Variants in GPBP1 observed in about 807,000 individuals in gnomAD.
GPBP1 encodes GC-rich promoter binding protein 1.
A neutral mutation model predicts 56.5 loss-of-function variants in GPBP1; 13 were observed. The observed-to-expected ratio is 0.23, with a 90% CI of 0.15 to 0.37. The LOEUF (loss-of-function observed/expected upper bound fraction) is 0.37, where lower values mean the gene tolerates loss of function less well. GPBP1 is among the 10% of genes least tolerant of loss of function. The probability of loss-of-function intolerance (pLI) is 1.00; values close to 1 mark genes in which losing one functional copy is unlikely to be tolerated. For synonymous variants in GPBP1, 204 were observed against 188.9 expected (o/e 1.08, Z -0.66); for missense variants, 477 against 572.3 (o/e 0.83, Z 1.70).
At position 57,264,143 on chromosome 5, in the gene GPBP1, T is replaced by C. The variant is rs1364505668; in HGVS notation, c.*1391T>C. ...TTGTTGTTGTTCCCACTGAGACTGA[T>C]GGTGATGGGGAAATTAAAAACAACA... is the stretch of plus-strand genomic sequence containing the variant. On this transcript the variant is annotated 3_prime_UTR_variant, in exon 12 of 12. Transcript: ENST00000506184. The C allele has an allele frequency of 1.3e-5, 2 of 152,016 alleles. No individual in the cohort carries two copies. The highest frequency in any genetic ancestry group is 2.9e-5 in the Non-Finnish European group (2 of 67,958). The allele number at this position is 152,016 out of a possible 1,614,324, so 9.4% of individuals were successfully genotyped here. A position where few individuals can be genotyped will look rare whatever the true frequency, so the allele number is the denominator to read the frequency against.
chr5:57,262,806 T>G lies in GPBP1; in HGVS notation c.*54T>G. ...AGTGTGATACATCTCTCATACAGTT[T>G]GGGGTGAATTGTAAAAATGAAGAAC... On this transcript the variant is annotated 3_prime_UTR_variant, in exon 12 of 12. Transcript: ENST00000506184. 1 of 1,461,168 alleles carries G rather than the reference T, an allele frequency of 6.8e-7. No homozygotes were observed. The highest frequency in any genetic ancestry group is 1.2e-5 in the South Asian group (1 of 80,450). 90.5% of individuals were successfully genotyped at this position (1,461,168 alleles called of 1,614,324 possible).
chr5:57,224,514 A>T (rs750463980), intron 3 of GPBP1, among the ~76,000 whole-genome samples: 19 of 152,096 alleles, frequency 1.2e-4, no homozygotes, highest in Non-Finnish European at 2.5e-4. Context: ...AAGTGCTGGG[A>T]TTACAGATGT....
Position 57,239,930 on chromosome 5 carries a change from G to A in GPBP1, c.478+3898G>A, listed in dbSNP as rs148984995. On this transcript the variant is annotated intron_variant, in intron 6 of 11. Coordinates refer to ENST00000506184, the MANE Select transcript of GPBP1 (RefSeq NM_022913.4). ...GAGTCTTTGCATTTGGTCTGTGTATGTACTATTGTCTTAGTGATAAGTTTT... is the reference window on the plus strand; with the variant it reads ...GAGTCTTTGCATTTGGTCTGTGTATATACTATTGTCTTAGTGATAAGTTTT... Among the ~76,000 whole-genome samples the A allele has an allele frequency of 3.2e-3, 484 of 152,130 alleles. 4 individuals are homozygous for A. The highest frequency in any genetic ancestry group is 0.011 in the African/African-American group (460 of 41,510).
chr5:57,211,775 G>C (rs939063323), intron 2 of GPBP1, among the ~76,000 whole-genome samples: 1 of 151,758 alleles, frequency 6.6e-6, no homozygotes, highest in South Asian at 2.1e-4. Context: ...TAGAGACGAG[G>C]TTTCTCCTTG....
chr5:57,254,938 T>TA lies in GPBP1; in HGVS notation c.1160+3799dup, dbSNP rs575506784. Among the ~76,000 whole-genome samples, 3 of 152,362 alleles carry TA rather than the reference T, an allele frequency of 2.0e-5. No homozygotes were observed. In the South Asian group the frequency reaches 6.2e-4, roughly 32 times the overall value. The stretch of plus-strand genomic sequence containing the variant: ...AATTGTGGAACTTCATGCTACCACA[T>TA]AATACAGTTTATGACTTGTGACTAA... On this transcript the variant is annotated intron_variant, in intron 10 of 11. Transcript: ENST00000506184.
intron 2 of GPBP1, among the ~76,000 whole-genome samples, chr5:57,193,499 AC>A (rs1393871070): frequency 6.6e-6 from 1 of 150,402 alleles, no homozygotes; most frequent in Non-Finnish European, 1.5e-5. Context: ...CTGTAGTCCC[AC>A]CTGCTTGCGG....
chr5:57,255,050 A>G (rs1209745663), intron 10 of GPBP1, among the ~76,000 whole-genome samples: 1 of 152,216 alleles, frequency 6.6e-6, no homozygotes, highest in Non-Finnish European at 1.5e-5. Context: ...ATAAACAGAT[A>G]TTTCAGAATT....
chr5:57,214,100 T>C lies in GPBP1; in HGVS notation c.-31T>C. Reference sequence around the variant, plus strand: ...GACTTGCCATGAGGTGTTGAAGCCTTGTTTCACTGAGTTGGAGAGACTGGA... The same window carrying C: ...GACTTGCCATGAGGTGTTGAAGCCTCGTTTCACTGAGTTGGAGAGACTGGA... On this transcript the variant is annotated 5_prime_UTR_variant, in exon 3 of 12. Transcript: ENST00000506184. The C allele has an allele frequency of 6.2e-7, 1 of 1,603,914 alleles. No homozygotes were observed.
Position 57,175,963 on chromosome 5 carries a change from T to G in GPBP1, c.-495T>G, listed in dbSNP as rs3733949. 4.3e-4 allele frequency: 172 copies of G among 398,590 alleles called. No individual in the cohort carries two copies. The East Asian group carries it at 6.1e-3, about 14-fold the overall frequency. The allele number at this position is 398,590 out of a possible 1,614,324, so 24.7% of individuals were successfully genotyped here. A position where few individuals can be genotyped will look rare whatever the true frequency, so the allele number is the denominator to read the frequency against. The stretch of plus-strand genomic sequence containing the variant: ...AGAGTTTTTTTCCTTTTATCTTTTA[T>G]TTACGTGGAAATTTAAGATGTTGCA... On this transcript the variant is annotated 5_prime_UTR_variant, in exon 2 of 12. Transcript: ENST00000506184.
At chr5:57,261,405 T>TAAA in intron 11 of GPBP1, 123 bp downstream of exon 11, 1 of 473,260 alleles carries the variant, frequency 2.1e-6, no homozygotes, top group Non-Finnish European at 3.8e-6. Context: ...GAATTGCTTT[T>TAAA]AAAAAAAAAA....
At chr5:57,235,787 G>T (rs1170211415) in intron 5 of GPBP1, among the ~76,000 whole-genome samples, 179 bp from the exon 6 acceptor site, 1 of 152,188 alleles carries the variant, frequency 6.6e-6, no homozygotes, top group Admixed American at 6.5e-5. Context: ...TGAGTAGGCA[G>T]AGCGTGACAC....
intron 5 of GPBP1, among the ~76,000 whole-genome samples, chr5:57,234,238 A>G (rs1209050377): frequency 2.0e-5 from 3 of 152,174 alleles, no homozygotes; most frequent in Non-Finnish European, 4.4e-5. Flanking sequence ...TAAAAGAGGC[A>G]GTTTGTGTGC....
Position 57,257,442 on chromosome 5 carries a change from T to C in GPBP1, c.1161-3738T>C, listed in dbSNP as rs142858821. Among the ~76,000 whole-genome samples, 566 of 152,360 alleles carry C rather than the reference T, an allele frequency of 3.7e-3. 1 individual carries two copies. Among genetic ancestry groups the C allele is most frequent in the Non-Finnish European group, 5.1e-3 (344 of 68,028 alleles). ...TTTTATTGTCAAGTTTTAGCCACTT[T>C]ATCAGGGTATCGAGGTAGCCTCAAC... On this transcript the variant is annotated intron_variant, in intron 10 of 11. Coordinates refer to ENST00000506184, the MANE Select transcript of GPBP1 (RefSeq NM_022913.4).
chr5:57,262,037 A>T (rs1228484747), intron 11 of GPBP1, among the ~76,000 whole-genome samples: 3 of 152,168 alleles, frequency 2.0e-5, no homozygotes, highest in African/African-American at 7.2e-5. Flanking sequence ...TTGTGCCACT[A>T]CACTGGGCTT....
chr5:57,206,421 CAG>C (rs1241110305), intron 2 of GPBP1, among the ~76,000 whole-genome samples: 22 of 152,114 alleles, frequency 1.4e-4, no homozygotes, highest in African/African-American at 5.3e-4. Context: ...ATTTTTGAGA[CAG>C]AATCTTGCTC....
At chr5:57,216,473 G>A (rs1293780473) in intron 3 of GPBP1, among the ~76,000 whole-genome samples, 1 of 152,154 alleles carries the variant, frequency 6.6e-6, no homozygotes, top group Non-Finnish European at 1.5e-5. Flanking sequence ...TGTAATCCCA[G>A]CACTTTGGGA....
chr5:57,201,942 C>A (rs991518709), intron 2 of GPBP1, among the ~76,000 whole-genome samples: 1 of 152,198 alleles, frequency 6.6e-6, no homozygotes, highest in South Asian at 2.1e-4. Context: ...AGCTTAGGGG[C>A]AAATTACTTT....
chr5:57,210,646 T>A (rs1755436018), intron 2 of GPBP1, among the ~76,000 whole-genome samples: 1 of 152,186 alleles, frequency 6.6e-6, no homozygotes, highest in Non-Finnish European at 1.5e-5. Flanking sequence ...CTAAAGTTGT[T>A]TGTAGTTTAC....
intron 2 of GPBP1, among the ~76,000 whole-genome samples, chr5:57,184,364 G>T (rs556062251): frequency 6.6e-6 from 1 of 152,264 alleles, no homozygotes; most frequent in South Asian, 2.1e-4. Flanking sequence ...TCTTGGTTCA[G>T]CAGGCTGTGT....
Sources: allele counts gnomAD v4.1 joint callset (sites outside exome capture counted in the v4.1 genomes callset), GRCh38; gene constraint gnomAD v4.1.1; transcripts MANE v1.5; gene names NCBI Gene and HGNC (gene_info 2026-07-23, HGNC 2026-07-21).